CNTNAP2: variants seen among roughly 807,000 people sequenced by gnomAD.
CNTNAP2 encodes contactin associated protein 2.
A neutral mutation model predicts 155.2 loss-of-function variants in CNTNAP2; 98 were observed. The ratio of observed to expected loss-of-function variants is 0.63; its 90% CI spans 0.54 to 0.75. CNTNAP2 has a LOEUF of 0.75. CNTNAP2 is among the 30% of genes least tolerant of loss of function. The pLI is 0.00. For missense variants in CNTNAP2, 1,727 were observed against 1,688.1 expected (o/e 1.02, Z -0.40); for synonymous variants, 651 against 631.2 (o/e 1.03, Z -0.47).
intron 15 of CNTNAP2, among the ~76,000 whole-genome samples, chr7:148,029,352 T>C (rs1421350174): frequency 6.6e-6 from 1 of 152,056 alleles, no homozygotes; most frequent in Non-Finnish European, 1.5e-5. Flanking sequence ...AAATATGGAA[T>C]TTTTTTTCTT....
chr7:146,646,256 T>A (rs1250750085), intron 1 of CNTNAP2, among the ~76,000 whole-genome samples: 1 of 152,142 alleles, frequency 6.6e-6, no homozygotes, highest in Non-Finnish European at 1.5e-5. Flanking sequence ...AGCTTGAACA[T>A]GTTCATTGTC....
chr7:147,497,109 G>T (rs771708360), intron 11 of CNTNAP2: 9 of 152,152 alleles, frequency 5.9e-5, no homozygotes, highest in Non-Finnish European at 1.3e-4. Flanking sequence ...TCAAATGTTT[G>T]TGAAATCGCT....
chr7:146,137,704 G>C (rs1327522798), intron 1 of CNTNAP2, among the ~76,000 whole-genome samples: 1 of 151,888 alleles, frequency 6.6e-6, no homozygotes, highest in Non-Finnish European at 1.5e-5. Context: ...ATGATTTCAT[G>C]TACCATAAAC....
At chr7:147,181,458 A>T (rs1187272259) in intron 8 of CNTNAP2, among the ~76,000 whole-genome samples, 2 of 152,248 alleles carry the variant, frequency 1.3e-5, no homozygotes, top group African/African-American at 2.4e-5. Context: ...AGTTTAGATA[A>T]TGTAAATGTT....
intron 1 of CNTNAP2, among the ~76,000 whole-genome samples, chr7:146,458,152 T>TG (rs951755485): frequency 3.3e-4 from 50 of 151,830 alleles, no homozygotes; most frequent in African/African-American, 1.1e-3. Flanking sequence ...CAGGGGTATG[T>TG]GGGGAGGGAG....
intron 8 of CNTNAP2, among the ~76,000 whole-genome samples, chr7:147,196,362 C>A (rs1032421814): frequency 6.6e-6 from 1 of 152,190 alleles, no homozygotes; most frequent in African/African-American, 2.4e-5. Flanking sequence ...ACCCACCTAG[C>A]AAATGTGTGC....
intron 1 of CNTNAP2, among the ~76,000 whole-genome samples, chr7:146,236,394 T>A (rs11770001): frequency 6.6e-6 from 1 of 150,912 alleles, no homozygotes; most frequent in Non-Finnish European, 1.5e-5. Context: ...AAATAAATAA[T>A]TAAATAAATA....
chr7:147,929,762 G>T (rs558251503), intron 14 of CNTNAP2, among the ~76,000 whole-genome samples: 1 of 152,122 alleles, frequency 6.6e-6, no homozygotes, highest in East Asian at 1.9e-4. Context: ...TACATACAGA[G>T]CAGTGTTCCC....
At chr7:146,132,184 A>C (rs1364381218) in intron 1 of CNTNAP2, among the ~76,000 whole-genome samples, 1 of 152,122 alleles carries the variant, frequency 6.6e-6, no homozygotes, top group Non-Finnish European at 1.5e-5. Context: ...ACAGATGATC[A>C]ATTTACTTAG....
intron 1 of CNTNAP2, among the ~76,000 whole-genome samples, chr7:146,273,645 T>C (rs1800119295): frequency 6.6e-6 from 1 of 152,204 alleles, no homozygotes; most frequent in Admixed American, 6.5e-5. Flanking sequence ...TCTCAGGGTA[T>C]TTTAAGCTCA....
intron 1 of CNTNAP2, among the ~76,000 whole-genome samples, chr7:146,762,933 T>A (rs1802129022): frequency 6.6e-6 from 1 of 152,098 alleles, no homozygotes; most frequent in Admixed American, 6.5e-5. Context: ...CCATGACATG[T>A]GGGAATTATG....
intron 13 of CNTNAP2, among the ~76,000 whole-genome samples, chr7:147,798,569 A>G (rs1797938536): frequency 6.6e-6 from 1 of 152,204 alleles, no homozygotes; most frequent in Non-Finnish European, 1.5e-5. Flanking sequence ...ATCTAGACAT[A>G]TAAACATTCA....
intron 1 of CNTNAP2, among the ~76,000 whole-genome samples, chr7:146,606,358 G>C (rs1292130216): frequency 2.0e-5 from 3 of 152,118 alleles, no homozygotes; most frequent in Non-Finnish European, 4.4e-5. Flanking sequence ...GATTATTTTA[G>C]TAGTCGTAGA....
intron 1 of CNTNAP2, among the ~76,000 whole-genome samples, chr7:146,343,416 G>A (rs1458862075): frequency 6.6e-6 from 1 of 151,828 alleles, no homozygotes; most frequent in Non-Finnish European, 1.5e-5. Context: ...TGTACAATAT[G>A]TTTGACTCAT....
chr7:147,276,735 A>T (rs1334145497), intron 8 of CNTNAP2, among the ~76,000 whole-genome samples: 1 of 152,042 alleles, frequency 6.6e-6, no homozygotes, highest in African/African-American at 2.4e-5. Context: ...ATATGGCAAT[A>T]TTAATGACTA....
intron 1 of CNTNAP2, among the ~76,000 whole-genome samples, chr7:146,429,196 T>C (rs1357304952): frequency 2.0e-5 from 3 of 152,172 alleles, no homozygotes; most frequent in Admixed American, 6.5e-5. Context: ...TTGCTTGTGA[T>C]TGTCTTGGCT....
At chr7:146,352,750 G>GTTTTTTTTTTGTTTTTTTT (rs1794934965) in intron 1 of CNTNAP2, among the ~76,000 whole-genome samples, 1 of 64,338 alleles carries the variant, frequency 1.6e-5, no homozygotes, top group Non-Finnish European at 2.9e-5. Context: ...GCATAATTCT[G>GTTTTTTTTTTGTTTTTTTT]TTTTTTTTTT....
chr7:147,045,262 A>T (rs1799334951), intron 4 of CNTNAP2, among the ~76,000 whole-genome samples: 1 of 152,072 alleles, frequency 6.6e-6, no homozygotes, highest in African/African-American at 2.4e-5. Flanking sequence ...AGTTCACACT[A>T]AGCAGAAAAT....
chr7:147,991,550 C>G (rs1211216908), intron 15 of CNTNAP2, among the ~76,000 whole-genome samples: 1 of 151,962 alleles, frequency 6.6e-6, no homozygotes, highest in African/African-American at 2.4e-5. Flanking sequence ...TTGAAAATCC[C>G]TTGAATCTGA....
Sources: gnomAD v4.1 joint callset for allele counts (sites outside exome capture counted in the v4.1 genomes callset) on GRCh38, gnomAD v4.1.1 for gene constraint, MANE v1.5 for transcripts, NCBI Gene and HGNC (gene_info 2026-07-23, HGNC 2026-07-21) for gene names.